The following ACSL3 variants were observed in gnomAD, a reference collection of about 807,000 sequenced individuals.
ACSL3 encodes fatty acid CoA ligase Acsl3.
Under a neutral mutation model 84.7 loss-of-function variants are expected in ACSL3, and 34 were observed. That is an observed-to-expected ratio of 0.40 (90% confidence interval 0.31 to 0.53). The LOEUF (loss-of-function observed/expected upper bound fraction) is 0.53, where lower values mean the gene tolerates loss of function less well. Among genes scored for constraint, ACSL3 ranks in the 20% least tolerant of loss-of-function variants. The probability of loss-of-function intolerance (pLI) is 0.48; values close to 1 mark genes in which losing one functional copy is unlikely to be tolerated. For missense variants in ACSL3, 680 were observed against 873.1 expected (o/e 0.78, Z 2.79); for synonymous variants, 315 against 299.4 (o/e 1.05, Z -0.54).
At chr2:222,873,489 A>G (rs1194997571) in intron 1 of ACSL3, among the ~76,000 whole-genome samples, 1 of 152,230 alleles carries the variant, frequency 6.6e-6, no homozygotes, top group Middle Eastern at 3.2e-3. Context: ...ATGAATTTAT[A>G]TATTTGCTTT....
chr2:222,882,679 T>C (rs1223483941), intron 1 of ACSL3, among the ~76,000 whole-genome samples: 1 of 151,914 alleles, frequency 6.6e-6, no homozygotes. Context: ...CTGTCAGGTC[T>C]GTGGCCTGGG....
chr2:222,906,883 G>C (rs1016068125), intron 3 of ACSL3, among the ~76,000 whole-genome samples: 1 of 152,154 alleles, frequency 6.6e-6, no homozygotes, highest in Non-Finnish European at 1.5e-5. Flanking sequence ...AAAGTACTGG[G>C]CAGCCTCATC....
At chr2:222,911,181 T>C (rs967189654) in intron 4 of ACSL3, among the ~76,000 whole-genome samples, 1 of 151,970 alleles carries the variant, frequency 6.6e-6, no homozygotes, top group Non-Finnish European at 1.5e-5. Flanking sequence ...TCCCGAGTAG[T>C]TGGGATTACA....
chr2:222,930,829 T>G lies in ACSL3; in HGVS notation c.1732+17T>G. 1 of 1,575,242 alleles carries G rather than the reference T, an allele frequency of 6.3e-7. No individual in the cohort carries two copies. Among genetic ancestry groups the G allele is most frequent in the Non-Finnish European group, 8.6e-7 (1 of 1,161,594 alleles). On this transcript the variant is annotated intron_variant, in intron 14 of 16. Transcript: ENST00000357430. Reference sequence around the variant, plus strand: ...AGATTATTGGTAAGTCATCTAATATTTTTTTGAAAATGAATGTTTCTGAAA... The same window carrying G: ...AGATTATTGGTAAGTCATCTAATATGTTTTTGAAAATGAATGTTTCTGAAA...
chr2:222,911,457 T>C (rs1349343737), intron 4 of ACSL3, among the ~76,000 whole-genome samples: 1 of 152,250 alleles, frequency 6.6e-6, no homozygotes, highest in Non-Finnish European at 1.5e-5. Flanking sequence ...TTTTCTACTT[T>C]TCTATCTGCT....
chr2:222,926,884 A>G (rs904165872), intron 11 of ACSL3, 133 bp from the exon 12 acceptor site: 8 of 914,236 alleles, frequency 8.8e-6, no homozygotes, highest in African/African-American at 8.3e-5. Context: ...AGACTCTCCA[A>G]ATTGGCTGTG....
rs1207094606 is a variant in ACSL3, at chr2:222,934,819, A to G, written c.2005+132A>G. On this transcript the variant is annotated intron_variant, in intron 16 of 16. Coordinates refer to ENST00000357430, the MANE Select transcript of ACSL3 (RefSeq NM_004457.5). ...CATTTCTACCGTTAGTATATGGAAG[A>G]GTAAACTTATCAGTCCCCCATTCAA... 3 of 930,554 alleles carry G rather than the reference A, an allele frequency of 3.2e-6. No homozygotes were observed. In the South Asian group the frequency reaches 6.1e-5, roughly 19 times the overall value. 57.6% of individuals were successfully genotyped at this position (930,554 alleles called of 1,614,324 possible).
Position 222,906,306 on chromosome 2 carries a change from GC to G in ACSL3, c.-40-2426del, listed in dbSNP as rs916949528. 1.5e-4 allele frequency among the ~76,000 whole-genome samples: 23 copies of G among 152,288 alleles called. No individual in the cohort carries two copies. The East Asian group carries it at 2.5e-3, about 17-fold the overall frequency. ...GAGATGATAGCCGATTTTCAGCAGG[GC>G]TTTCTTTAACTCTCAGATCTCCTTG... On this transcript the variant is annotated intron_variant, in intron 3 of 16. Transcript: ENST00000357430.
intron 1 of ACSL3, among the ~76,000 whole-genome samples, chr2:222,883,743 C>CT (rs1372723109): frequency 6.6e-6 from 1 of 151,944 alleles, no homozygotes; most frequent in East Asian, 1.9e-4. Flanking sequence ...GAACTTGAAT[C>CT]TCTTGGATTA....
intron 4 of ACSL3, 152 bp from the exon 5 acceptor site, chr2:222,916,167 T>G: frequency 4.2e-6 from 2 of 472,104 alleles, no homozygotes; most frequent in Non-Finnish European, 7.0e-6. Context: ...AAATAGATTT[T>G]TCACTCAAAC....
intron 16 of ACSL3, among the ~76,000 whole-genome samples, chr2:222,941,138 G>A (rs147870648): frequency 6.6e-6 from 1 of 151,936 alleles, no homozygotes; most frequent in African/African-American, 2.4e-5. Context: ...CTATGTTACC[G>A]AGGCTGGCCT....
chr2:222,865,297 G>T (rs562619980), intron 1 of ACSL3, among the ~76,000 whole-genome samples: 1 of 152,302 alleles, frequency 6.6e-6, no homozygotes, highest in Non-Finnish European at 1.5e-5. Flanking sequence ...AGAATTGGAT[G>T]ATTCAGTAGT....
intron 10 of ACSL3, 60 bp downstream of exon 10, chr2:222,923,209 T>C: frequency 7.6e-7 from 1 of 1,324,380 alleles, no homozygotes; most frequent in Non-Finnish European, 1.1e-6. Context: ...CTACAAAGCA[T>C]TAGTGCTAGT....
At chr2:222,882,245 TTATTC>T (rs1268975123) in intron 1 of ACSL3, among the ~76,000 whole-genome samples, 1 of 152,240 alleles carries the variant, frequency 6.6e-6, no homozygotes, top group Non-Finnish European at 1.5e-5. Context: ...GAAAATTTCT[TTATTC>T]TACTTGCAAT....
intron 12 of ACSL3, among the ~76,000 whole-genome samples, chr2:222,927,931 T>G (rs1574563024): frequency 2.0e-5 from 3 of 152,336 alleles, no homozygotes; most frequent in Admixed American, 1.3e-4. Context: ...TTTTCGTATA[T>G]TTTTGGAAGC....
At chr2:222,916,579 T>C in intron 5 of ACSL3, 83 bp downstream of exon 5, 1 of 1,385,106 alleles carries the variant, frequency 7.2e-7, no homozygotes, top group East Asian at 2.4e-5. Context: ...GTTAAAATTC[T>C]GATGTTAATT....
At chr2:222,936,357 A>G (rs574306066) in intron 16 of ACSL3, among the ~76,000 whole-genome samples, 40 of 152,266 alleles carry the variant, frequency 2.6e-4, no homozygotes, top group Middle Eastern at 3.4e-3. Flanking sequence ...CTTAATGACT[A>G]TTGATTTACA....
intron 16 of ACSL3, among the ~76,000 whole-genome samples, chr2:222,937,487 A>ATT (rs1697204940): frequency 6.6e-6 from 1 of 152,132 alleles, no homozygotes; most frequent in South Asian, 2.1e-4. Context: ...AGAAACACTC[A>ATT]AGTTACGCGT....
chr2:222,867,995 A>G (rs1319660797), intron 1 of ACSL3, among the ~76,000 whole-genome samples: 2 of 150,682 alleles, frequency 1.3e-5, no homozygotes, highest in Admixed American at 6.6e-5. Context: ...TTTTTTTTTA[A>G]ATAAAAATAT....
Sources: allele counts gnomAD v4.1 joint callset (sites outside exome capture counted in the v4.1 genomes callset), GRCh38; gene constraint gnomAD v4.1.1; transcripts MANE v1.5; gene names NCBI Gene and HGNC (gene_info 2026-07-23, HGNC 2026-07-21).